HCRTR2: variants seen among roughly 807,000 people sequenced by gnomAD.
HCRTR2 encodes the protein orexin receptor type 2.
In HCRTR2, 22 loss-of-function variants were observed where a neutral mutation model predicts 49.0. That is an observed-to-expected ratio of 0.45 (90% CI 0.32 to 0.64). The LOEUF (loss-of-function observed/expected upper bound fraction) is 0.64, where lower values mean the gene tolerates loss of function less well. Ranked by LOEUF, HCRTR2 falls within the 30% of genes least tolerant of loss-of-function variation. HCRTR2 has a pLI of 0.04. For missense variants in HCRTR2, 491 were observed against 559.4 expected, an observed-to-expected ratio of 0.88 and a Z score of 1.23; for synonymous variants, 236 against 205.3, an observed-to-expected ratio of 1.15 and a Z score of -1.28.
At chr6:55,110,934 T>A (rs1406154046) in intron 1 of HCRTR2, among the ~76,000 whole-genome samples, 1 of 152,046 alleles carries the variant, frequency 6.6e-6, no homozygotes, top group Non-Finnish European at 1.5e-5. Flanking sequence ...TCTATTCAAC[T>A]GCACATGGAA....
At chr6:55,208,610 TTATTCGTGATGTTA>T in intron 1 of HCRTR2, among the ~76,000 whole-genome samples, 1 of 152,260 alleles carries the variant, frequency 6.6e-6, no homozygotes, top group East Asian at 1.9e-4. Flanking sequence ...ATACAAAGTT[TTATTCGTGATGTTA>T]TCTATGTCAT....
At chr6:55,237,169 T>TA (rs1340884099) in intron 1 of HCRTR2, among the ~76,000 whole-genome samples, 8 of 152,238 alleles carry the variant, frequency 5.3e-5, no homozygotes, top group African/African-American at 1.9e-4. Flanking sequence ...TTATATTCTT[T>TA]ATAATATATC....
At chr6:55,235,388 C>A (rs1766195109) in intron 1 of HCRTR2, among the ~76,000 whole-genome samples, 1 of 152,066 alleles carries the variant, frequency 6.6e-6, no homozygotes, top group African/African-American at 2.4e-5. Context: ...AGCCCATTAA[C>A]CACAAGAAAT....
At chr6:55,182,631 T>C (rs561615886) in intron 1 of HCRTR2, among the ~76,000 whole-genome samples, 1 of 152,262 alleles carries the variant, frequency 6.6e-6, no homozygotes, top group African/African-American at 2.4e-5. Flanking sequence ...AGACACTGAG[T>C]CAGAACTATT....
chr6:55,228,592 C>A (rs1452128692), intron 1 of HCRTR2, among the ~76,000 whole-genome samples: 2 of 151,928 alleles, frequency 1.3e-5, no homozygotes, highest in East Asian at 3.9e-4. Flanking sequence ...AAAAAATATC[C>A]AATAACATGC....
At chr6:55,170,316 T>A (rs1199734443), upstream of HCRTR2, among the ~76,000 whole-genome samples, 3 of 149,144 alleles carry the variant, frequency 2.0e-5, no homozygotes, top group African/African-American at 4.9e-5. Flanking sequence ...TTATACATAG[T>A]ATTTATATAT....
chr6:55,258,508 T>C (rs1766694843), intron 3 of HCRTR2, among the ~76,000 whole-genome samples: 1 of 152,128 alleles, frequency 6.6e-6, no homozygotes, highest in South Asian at 2.1e-4. Context: ...TAAAACTAAT[T>C]ATATTCATTA....
intron 1 of HCRTR2, among the ~76,000 whole-genome samples, chr6:55,202,527 T>C (rs1182426717): frequency 1.3e-5 from 2 of 152,196 alleles, no homozygotes; most frequent in Non-Finnish European, 2.9e-5. Context: ...TCCAACTGTT[T>C]TGGAGACTGG....
intron 1 of HCRTR2, among the ~76,000 whole-genome samples, chr6:55,166,224 G>A (rs914424060): frequency 6.6e-6 from 1 of 151,914 alleles, no homozygotes. Context: ...GATTCACTTT[G>A]CTGATATTTT....
intron 1 of HCRTR2, among the ~76,000 whole-genome samples, chr6:55,208,888 A>G (rs1474409257): frequency 6.6e-6 from 1 of 152,216 alleles, no homozygotes; most frequent in East Asian, 1.9e-4. Flanking sequence ...TAAAAGCATT[A>G]TTTGGGCCTT....
chr6:55,238,543 A>T (rs1021714198), intron 1 of HCRTR2, among the ~76,000 whole-genome samples: 2 of 152,068 alleles, frequency 1.3e-5, no homozygotes, highest in Non-Finnish European at 2.9e-5. Flanking sequence ...AAATGTTTTA[A>T]CTGAATACAC....
intron 1 of HCRTR2, among the ~76,000 whole-genome samples, chr6:55,128,989 C>T (rs926859127): frequency 2.0e-5 from 3 of 152,154 alleles, no homozygotes; most frequent in Non-Finnish European, 4.4e-5. Flanking sequence ...CATTCTTGAA[C>T]ATTTTTGGCT....
chr6:55,231,701 G>T (rs974033816), intron 1 of HCRTR2, among the ~76,000 whole-genome samples: 1 of 152,120 alleles, frequency 6.6e-6, no homozygotes, highest in Admixed American at 6.5e-5. Flanking sequence ...GATTGCCAAG[G>T]CTTGCAGACT....
At chr6:55,283,064 G>A, downstream of HCRTR2, among the ~76,000 whole-genome samples, 1 of 152,068 alleles carries the variant, frequency 6.6e-6, no homozygotes, top group East Asian at 1.9e-4. Flanking sequence ...AACATTTCTT[G>A]TCTCAACATA....
intron 3 of HCRTR2, among the ~76,000 whole-genome samples, chr6:55,257,067 C>G (rs1002877771): frequency 6.6e-6 from 1 of 151,934 alleles, no homozygotes; most frequent in African/African-American, 2.4e-5. Context: ...AAAGGATGTC[C>G]AGAAAGCAAG....
chr6:55,253,431 G>A (rs914132140), intron 2 of HCRTR2, among the ~76,000 whole-genome samples: 1 of 152,112 alleles, frequency 6.6e-6, no homozygotes, highest in Admixed American at 6.6e-5. Flanking sequence ...AAAAGACAGA[G>A]ATAACTACCC....
At chr6:55,205,003 C>A (rs1262754632) in intron 1 of HCRTR2, among the ~76,000 whole-genome samples, 1 of 152,032 alleles carries the variant, frequency 6.6e-6, no homozygotes, top group East Asian at 1.9e-4. Context: ...CGCTATGTTG[C>A]CTGAGCTCAA....
intron 1 of HCRTR2, among the ~76,000 whole-genome samples, chr6:55,192,926 C>T (rs1373810029): frequency 6.6e-6 from 1 of 152,154 alleles, no homozygotes; most frequent in African/African-American, 2.4e-5. Context: ...ATAATGGCTA[C>T]AAGGTCACAG....
intron 1 of HCRTR2, among the ~76,000 whole-genome samples, chr6:55,207,225 C>T (rs1453230032): frequency 6.6e-6 from 1 of 151,908 alleles, no homozygotes; most frequent in African/African-American, 2.4e-5. Flanking sequence ...TTACATTTCA[C>T]TAATACAATA....
Sources: allele counts gnomAD v4.1 joint callset (sites outside exome capture counted in the v4.1 genomes callset), GRCh38; gene constraint gnomAD v4.1.1; transcripts MANE v1.5; gene names NCBI Gene and HGNC (gene_info 2026-07-23, HGNC 2026-07-21).